The following ROBO2 variants were observed in gnomAD, a reference collection of about 807,000 sequenced individuals.
ROBO2 encodes roundabout guidance receptor 2.
Under a neutral mutation model 160.8 loss-of-function variants are expected in ROBO2, and 53 were observed. That is an observed-to-expected ratio of 0.33 (90% CI 0.26 to 0.41). The LOEUF (loss-of-function observed/expected upper bound fraction) is 0.41. Ranked by LOEUF, ROBO2 falls within the 10% of genes least tolerant of loss-of-function variation. The pLI, the probability that ROBO2 is intolerant of heterozygous loss-of-function variation, is 1.00. For synonymous variants in ROBO2, 664 were observed against 611.7 expected (o/e 1.09, Z -1.26); for missense variants, 1,577 against 1,722.4 (o/e 0.92, Z 1.49).
chr3:76,419,942 C>T (rs1053928051), intron 2 of ROBO2, among the ~76,000 whole-genome samples: 34 of 151,992 alleles, frequency 2.2e-4, no homozygotes, highest in African/African-American at 7.7e-4. Flanking sequence ...AAAAATACAC[C>T]GTAATCAGTG....
At chr3:76,205,079 G>A (rs1472585499) in intron 2 of ROBO2, among the ~76,000 whole-genome samples, 2 of 152,060 alleles carry the variant, frequency 1.3e-5, no homozygotes, top group Non-Finnish European at 2.9e-5. Context: ...AGTATAATTA[G>A]TTAAAAAACA....
At chr3:76,223,193 A>C (rs1285846208) in intron 2 of ROBO2, among the ~76,000 whole-genome samples, 1 of 151,842 alleles carries the variant, frequency 6.6e-6, no homozygotes, top group East Asian at 2.0e-4. Context: ...CACCTTTAGG[A>C]TCCTGCTAGA....
At chr3:76,592,741 G>A (rs1022379927) in intron 2 of ROBO2, among the ~76,000 whole-genome samples, 2 of 151,930 alleles carry the variant, frequency 1.3e-5, no homozygotes, top group Non-Finnish European at 2.9e-5. Flanking sequence ...GTTTCTACTC[G>A]GGGTGTTCAA....
rs144225294 is a variant in ROBO2, at chr3:76,193,217, T to C, written c.109+255615T>C. Among the ~76,000 whole-genome samples, 575 of 152,288 alleles carry C rather than the reference T, an allele frequency of 3.8e-3. 5 individuals are homozygous for C. The highest frequency in any genetic ancestry group is 0.013 in the African/African-American group (546 of 41,580). On this transcript the variant is annotated intron_variant, in intron 2 of 26. Transcript: ENST00000487694. ...TTTACTTGGGATCACTCTTTCCTAC[T>C]CCCATGGCACCAATTAAAGTCTTTG...
At chr3:76,366,620 A>T (rs953269939) in intron 2 of ROBO2, among the ~76,000 whole-genome samples, 3 of 152,042 alleles carry the variant, frequency 2.0e-5, no homozygotes, top group Non-Finnish European at 2.9e-5. Context: ...ATTAAATTTT[A>T]AAAATCTTTA....
chr3:76,940,553 C>A (rs2078117695), intron 2 of ROBO2, among the ~76,000 whole-genome samples: 1 of 152,154 alleles, frequency 6.6e-6, no homozygotes, highest in South Asian at 2.1e-4. Flanking sequence ...ATGCCCTTTC[C>A]TTGTCTTTCA....
At chr3:76,028,647 A>G (rs13097828) in intron 2 of ROBO2, among the ~76,000 whole-genome samples, 16,308 of 151,970 alleles carry the variant, frequency 0.11, 1,139 homozygotes, top group Non-Finnish European at 0.15. Context: ...ATGTTTAACT[A>G]TGGTGCGGTA....
At position 76,335,797 on chromosome 3, in the gene ROBO2, C is replaced by T. The variant is rs2073848294; in HGVS notation, c.109+398195C>T. 5.9e-5 allele frequency among the ~76,000 whole-genome samples: 9 copies of T among 152,022 alleles called. No individual in the cohort carries two copies. The South Asian group carries it at 1.5e-3, about 25-fold the overall frequency. On this transcript the variant is annotated intron_variant, in intron 2 of 26. Transcript: ENST00000487694. ...TTCACCGTGTTAGCCAGGATGGTCT[C>T]GATCTCCTGACCTTGTGATCCGCCC...
chr3:76,887,463 C>T (rs749973622), intron 2 of ROBO2, among the ~76,000 whole-genome samples: 5 of 151,608 alleles, frequency 3.3e-5, no homozygotes, highest in South Asian at 2.1e-4. Flanking sequence ...TTAACTGAGT[C>T]GTAAGGTGCA....
chr3:77,299,252 G>A (rs992171794), intron 2 of ROBO2, among the ~76,000 whole-genome samples: 3 of 152,108 alleles, frequency 2.0e-5, no homozygotes, highest in Non-Finnish European at 4.4e-5. Flanking sequence ...GAGGACAGAA[G>A]AATGGAATAG....
At chr3:76,190,461 C>T (rs1701956191) in intron 2 of ROBO2, among the ~76,000 whole-genome samples, 2 of 152,034 alleles carry the variant, frequency 1.3e-5, no homozygotes, top group African/African-American at 4.8e-5. Context: ...ATTTTATAAG[C>T]ATTTTAAATT....
At chr3:76,446,942 A>T (rs924691900) in intron 2 of ROBO2, among the ~76,000 whole-genome samples, 1 of 152,222 alleles carries the variant, frequency 6.6e-6, no homozygotes, top group Non-Finnish European at 1.5e-5. Flanking sequence ...AAAACCCTAG[A>T]AGAAAACCTA....
intron 5 of ROBO2, among the ~76,000 whole-genome samples, chr3:77,499,524 GA>G (rs1366453201): frequency 6.6e-6 from 1 of 151,164 alleles, no homozygotes; most frequent in South Asian, 2.1e-4. Flanking sequence ...TAACTACAGG[GA>G]AAAAAATTAA....
intron 2 of ROBO2, among the ~76,000 whole-genome samples, chr3:77,220,400 A>G (rs1277985532): frequency 6.6e-6 from 1 of 152,178 alleles, no homozygotes; most frequent in Admixed American, 6.5e-5. Flanking sequence ...ATATAGACAT[A>G]CTAAGAGTAG....
intron 2 of ROBO2, among the ~76,000 whole-genome samples, chr3:76,549,834 C>G (rs910236358): frequency 3.9e-5 from 6 of 152,166 alleles, no homozygotes; most frequent in African/African-American, 1.4e-4. Flanking sequence ...TATCTGGAAG[C>G]TTTCACATAT....
At chr3:76,171,654 G>A (rs138418359) in intron 2 of ROBO2, among the ~76,000 whole-genome samples, 2,537 of 152,038 alleles carry the variant, frequency 0.017, 34 homozygotes, top group Non-Finnish European at 0.026. Flanking sequence ...ATCCCAGTGC[G>A]GTAGGTGCAC....
At chr3:77,434,584 C>T (rs1382615898) in intron 2 of ROBO2, among the ~76,000 whole-genome samples, 1 of 152,078 alleles carries the variant, frequency 6.6e-6, no homozygotes, top group Non-Finnish European at 1.5e-5. Context: ...CTAGGTAGAA[C>T]TAAGTTTCCA....
intron 2 of ROBO2, among the ~76,000 whole-genome samples, chr3:76,571,482 C>T (rs1017214481): frequency 2.6e-5 from 4 of 151,874 alleles, no homozygotes; most frequent in African/African-American, 9.7e-5. Context: ...TACTGAGAAA[C>T]AAACCAGTAG....
chr3:77,090,321 CTCTTTTT>C (rs2069981015), intron 1 of ROBO2, among the ~76,000 whole-genome samples: 1 of 92,980 alleles, frequency 1.1e-5, no homozygotes, highest in Non-Finnish European at 2.2e-5. Flanking sequence ...TTCTAAACCA[CTCTTTTT>C]TTTTTTTTTT....
Sources: gnomAD v4.1 joint callset for allele counts (sites outside exome capture counted in the v4.1 genomes callset) on GRCh38, gnomAD v4.1.1 for gene constraint, MANE v1.5 for transcripts, NCBI Gene and HGNC (gene_info 2026-07-23, HGNC 2026-07-21) for gene names.